Variants in GSTCD observed in about 807,000 individuals in gnomAD.
GSTCD encodes the protein glutathione S-transferase C-terminal domain containing.
In GSTCD, 44 loss-of-function variants were observed where a neutral mutation model predicts 68.3. That is an observed-to-expected ratio of 0.64 (90% confidence interval 0.51 to 0.83). GSTCD has a LOEUF of 0.83. GSTCD is among the 40% of genes least tolerant of loss of function. GSTCD has a pLI of 0.00. For synonymous variants in GSTCD, 273 were observed against 255.2 expected (o/e 1.07, Z -0.67); for missense variants, 739 against 735.9 (o/e 1.00, Z -0.05).
chr4:105,815,257 T>TAA (rs1308189892), intron 5 of GSTCD: 3 of 152,156 alleles, frequency 2.0e-5, no homozygotes, highest in Non-Finnish European at 4.4e-5. Context: ...CTTGACATCT[T>TAA]AAAGCATATT....
intron 7 of GSTCD, among the ~76,000 whole-genome samples, chr4:105,825,373 G>T (rs1466644464): frequency 6.6e-6 from 1 of 152,082 alleles, no homozygotes; most frequent in African/African-American, 2.4e-5. Flanking sequence ...CAAGTGATCC[G>T]CTTGCCTCGG....
rs779724383 is a variant in GSTCD, at chr4:105,775,814, G to C, written c.1240+46315G>C. Among the ~76,000 whole-genome samples the C allele has an allele frequency of 3.3e-3, 508 of 152,322 alleles. 6 individuals carry two copies. Among genetic ancestry groups the C allele is most frequent in the Non-Finnish European group, 5.6e-3 (384 of 68,030 alleles). On this transcript the variant is annotated intron_variant, in intron 5 of 11. Transcript: ENST00000515279. The stretch of plus-strand genomic sequence containing the variant: ...CTGCTGGGAGGTGTCTCCCAGTCAG[G>C]AGGCACGGTGGTCAGGGACCCACTT...
rs1446642977 is a variant in GSTCD, at chr4:105,767,906, G to T, written c.1240+38407G>T. Among the ~76,000 whole-genome samples the T allele has an allele frequency of 3.4e-5, 5 of 148,550 alleles. No individual in the cohort carries two copies. In the Admixed American group the frequency reaches 3.4e-4, roughly 10 times the overall value. On this transcript the variant is annotated intron_variant, in intron 5 of 11. Coordinates refer to ENST00000515279, the MANE Select transcript of GSTCD (RefSeq NM_001370181.1). ...TCAAAAAACAAGCACTTAATTTCTC[G>T]AAGTGTCATCTTGAGAAAATGATGT...
intron 5 of GSTCD, among the ~76,000 whole-genome samples, chr4:105,765,433 A>C (rs1430357325): frequency 6.6e-6 from 1 of 152,194 alleles, no homozygotes; most frequent in Non-Finnish European, 1.5e-5. Context: ...AACTCTCTAG[A>C]AAGTGTAACC....
intron 3 of GSTCD, among the ~76,000 whole-genome samples, chr4:105,719,910 T>A (rs2149206046): frequency 6.6e-6 from 1 of 152,122 alleles, no homozygotes; most frequent in East Asian, 1.9e-4. Flanking sequence ...CAATGGATAC[T>A]CCGTTGGACG....
chr4:105,752,921 T>G (rs1734055667), intron 5 of GSTCD, among the ~76,000 whole-genome samples: 1 of 152,126 alleles, frequency 6.6e-6, no homozygotes, highest in Admixed American at 6.5e-5. Context: ...TCAATTAGTA[T>G]TGAAATGTAG....
At chr4:105,775,825 G>A (rs1476104459) in intron 5 of GSTCD, among the ~76,000 whole-genome samples, 1 of 152,200 alleles carries the variant, frequency 6.6e-6, no homozygotes, top group African/African-American at 2.4e-5. Context: ...AGGCACGGTG[G>A]TCAGGGACCC....
At chr4:105,765,740 A>G (rs1166237384) in intron 5 of GSTCD, among the ~76,000 whole-genome samples, 1 of 152,174 alleles carries the variant, frequency 6.6e-6, no homozygotes, top group Non-Finnish European at 1.5e-5. Context: ...TGATTAGATC[A>G]TGGGGCTGGT....
At chr4:105,717,487 C>T in intron 1 of GSTCD, 106 bp from the exon 2 acceptor site, 1 of 734,252 alleles carries the variant, frequency 1.4e-6, no homozygotes, top group South Asian at 2.3e-5. Flanking sequence ...TTATCTACTG[C>T]AAATTTTTAC....
chr4:105,837,951 C>T, intron 10 of GSTCD, 62 bp downstream of exon 10: 1 of 638,324 alleles, frequency 1.6e-6, no homozygotes, highest in Non-Finnish European at 2.6e-6. Flanking sequence ...ATTTTTCCCT[C>T]TCATATTTCT....
In GSTCD at chr4:105,811,218, T is replaced by A. The variant is rs1323087851; in HGVS notation, c.1241-11736T>A. On this transcript the variant is annotated intron_variant, in intron 5 of 11. Coordinates refer to ENST00000515279, the MANE Select transcript of GSTCD (RefSeq NM_001370181.1). ...AAGGTATTAATTTTCTAAAGCTACC[T>A]GATGGTAGAACTCACTATTTTTCTC... Among the ~76,000 whole-genome samples the A allele has an allele frequency of 2.0e-5, 3 of 152,156 alleles. No homozygotes were observed. The East Asian group carries it at 5.8e-4, about 29-fold the overall frequency.
intron 5 of GSTCD, among the ~76,000 whole-genome samples, chr4:105,732,830 T>C (rs1194059881): frequency 6.6e-6 from 1 of 152,202 alleles, no homozygotes; most frequent in Non-Finnish European, 1.5e-5. Context: ...GGGCATTTAG[T>C]GGTATAAATT....
chr4:105,737,905 T>C (rs1733510530), intron 5 of GSTCD, among the ~76,000 whole-genome samples: 1 of 152,214 alleles, frequency 6.6e-6, no homozygotes, highest in African/African-American at 2.4e-5. Flanking sequence ...ATGATTGGCT[T>C]TGTGACATCC....
intron 5 of GSTCD, among the ~76,000 whole-genome samples, chr4:105,779,544 C>T (rs1359889337): frequency 6.6e-6 from 1 of 152,092 alleles, no homozygotes; most frequent in African/African-American, 2.4e-5. Flanking sequence ...TGGAATAACA[C>T]TTTCTCTGCA....
chr4:105,745,221 A>C (rs1733760928), intron 5 of GSTCD, among the ~76,000 whole-genome samples: 1 of 152,170 alleles, frequency 6.6e-6, no homozygotes, highest in African/African-American at 2.4e-5. Context: ...AAATATACCT[A>C]CTGAGTTGAA....
intron 5 of GSTCD, among the ~76,000 whole-genome samples, chr4:105,786,769 G>A (rs1735484581): frequency 6.6e-6 from 1 of 152,052 alleles, no homozygotes; most frequent in Non-Finnish European, 1.5e-5. Context: ...TTAGGGAAAT[G>A]CAAATCAAAA....
intron 5 of GSTCD, among the ~76,000 whole-genome samples, chr4:105,821,497 C>G (rs1452444784): frequency 1.3e-5 from 2 of 151,824 alleles, no homozygotes; most frequent in Non-Finnish European, 3.0e-5. Flanking sequence ...AATCTGTCAT[C>G]ACAAATGAAG....
intron 5 of GSTCD, among the ~76,000 whole-genome samples, chr4:105,781,535 C>T (rs548358479): frequency 1.6e-3 from 247 of 151,960 alleles, no homozygotes; most frequent in African/African-American, 4.8e-3. Context: ...CAATTACAGG[C>T]GTGAGTCATC....
rs879326300 is a variant in GSTCD at position 105,835,789 on chromosome 4, G to A, written c.1664+1195G>A. On this transcript the variant is annotated intron_variant, in intron 9 of 11. Coordinates refer to ENST00000515279, the MANE Select transcript of GSTCD (RefSeq NM_001370181.1). Reference sequence around the variant, plus strand: ...AAATCGAGGAAGAATGAGGTACACAGACAATTGGAGGATGAGCAAGGCAAA... The same window carrying A: ...AAATCGAGGAAGAATGAGGTACACAAACAATTGGAGGATGAGCAAGGCAAA... Among the ~76,000 whole-genome samples, 195 of 152,300 alleles carry A rather than the reference G, an allele frequency of 1.3e-3. 1 individual carries two copies. The highest frequency in any genetic ancestry group is 1.0e-4 in the Non-Finnish European group (7 of 68,032).
Sources: gnomAD v4.1 joint callset for allele counts (sites outside exome capture counted in the v4.1 genomes callset) on GRCh38, gnomAD v4.1.1 for gene constraint, MANE v1.5 for transcripts, NCBI Gene and HGNC (gene_info 2026-07-23, HGNC 2026-07-21) for gene names.